Variants in PRELID2 observed in about 807,000 individuals in gnomAD.
PRELID2 encodes the protein PRELI domain-containing protein 2.
PRELID2 carries 25 observed loss-of-function variants against 28.4 expected under a neutral mutation model. The ratio of observed to expected loss-of-function variants is 0.88; its 90% CI spans 0.64 to 1.23. The LOEUF (loss-of-function observed/expected upper bound fraction) is 1.23, where lower values mean the gene tolerates loss of function less well. Among genes scored for constraint, PRELID2 ranks in the 50% most tolerant of loss-of-function variants. PRELID2 has a pLI of 0.00. For missense variants in PRELID2, 201 were observed against 214.4 expected (o/e 0.94, Z 0.39); for synonymous variants, 76 against 71.6 (o/e 1.06, Z -0.31).
At chr5:145,522,980 T>C (rs963508635) in intron 1 of PRELID2, among the ~76,000 whole-genome samples, 5 of 152,168 alleles carry the variant, frequency 3.3e-5, no homozygotes, top group Admixed American at 6.5e-5. Context: ...CCTTTAAAGA[T>C]CACCTTAAAA....
At chr5:145,543,681 G>A (rs968378456) in intron 1 of PRELID2, among the ~76,000 whole-genome samples, 1 of 152,074 alleles carries the variant, frequency 6.6e-6, no homozygotes, top group African/African-American at 2.4e-5. Context: ...TGGGAAATAT[G>A]GAGAGATTAA....
At chr5:145,554,093 T>TTC (rs1752860565) in intron 1 of PRELID2, among the ~76,000 whole-genome samples, 1 of 152,118 alleles carries the variant, frequency 6.6e-6, no homozygotes, top group Non-Finnish European at 1.5e-5. Context: ...AAATGAAAAA[T>TTC]TCTAGAAGCT....
At chr5:145,259,484 G>C in the PRELID2 span, among the ~76,000 whole-genome samples, 54 of 152,330 alleles carry the variant, frequency 3.5e-4, no homozygotes, top group South Asian at 2.5e-3. Flanking sequence ...AGCATTCTCT[G>C]GATGTGGGAT....
chr5:145,488,990 A>G (rs1423919747), intron 1 of PRELID2, among the ~76,000 whole-genome samples: 2 of 152,178 alleles, frequency 1.3e-5, no homozygotes, highest in Non-Finnish European at 1.5e-5. Context: ...AGGGGCGACT[A>G]GTTTGACATG....
the PRELID2 span, among the ~76,000 whole-genome samples, chr5:145,367,366 C>T: frequency 2.0e-5 from 3 of 151,946 alleles, no homozygotes; most frequent in Admixed American, 2.0e-4. Context: ...AATATACTCA[C>T]TGTCTGCACA....
At chr5:145,728,778 TAGTAGG>T (rs1321114959) in intron 1 of PRELID2, 5 of 1,203,922 alleles carry the variant, frequency 4.2e-6, no homozygotes, top group Non-Finnish European at 5.0e-6. Flanking sequence ...TGCACCAATG[TAGTAGG>T]AGTAGAAGTT....
chr5:145,486,502 A>G (rs1414953700), intron 1 of PRELID2, among the ~76,000 whole-genome samples: 3 of 152,190 alleles, frequency 2.0e-5, no homozygotes, highest in African/African-American at 4.8e-5. Flanking sequence ...GCCAATCACA[A>G]TTCTGGCCAC....
At chr5:145,528,726 C>CACAGAGAG (rs1475264275) in intron 1 of PRELID2, among the ~76,000 whole-genome samples, 1 of 53,528 alleles carries the variant, frequency 1.9e-5, no homozygotes, top group Admixed American at 2.5e-4. Flanking sequence ...CACACACACA[C>CACAGAGAG]AGAGAGAGAG....
chr5:145,388,119 T>TATCA, the PRELID2 span, among the ~76,000 whole-genome samples: 2 of 152,280 alleles, frequency 1.3e-5, no homozygotes, highest in South Asian at 2.1e-4. Flanking sequence ...TACAAGAACC[T>TATCA]ATCACTTAGC....
intron 1 of PRELID2, among the ~76,000 whole-genome samples, chr5:145,701,531 G>A (rs1182561410): frequency 7.2e-5 from 11 of 152,096 alleles, no homozygotes; most frequent in Non-Finnish European, 8.8e-5. Flanking sequence ...AATGACTATC[G>A]ACCAACAAAT....
intron 1 of PRELID2, among the ~76,000 whole-genome samples, chr5:145,584,565 A>G (rs1205197414): frequency 2.0e-5 from 3 of 152,088 alleles, no homozygotes; most frequent in Non-Finnish European, 4.4e-5. Context: ...CAGAGTCTAC[A>G]TGGAATTTAA....
intron 1 of PRELID2, among the ~76,000 whole-genome samples, chr5:145,650,074 C>T (rs1317126090): frequency 6.6e-6 from 1 of 152,194 alleles, no homozygotes; most frequent in Non-Finnish European, 1.5e-5. Context: ...TGAGATCATT[C>T]AAAGTTGGAC....
chr5:145,712,348 T>C (rs1328560985), intron 1 of PRELID2, among the ~76,000 whole-genome samples: 2 of 152,212 alleles, frequency 1.3e-5, no homozygotes, highest in African/African-American at 4.8e-5. Context: ...ATATTAGAAA[T>C]ATTACATAAT....
chr5:145,410,796 T>C, the PRELID2 span, among the ~76,000 whole-genome samples: 8 of 152,178 alleles, frequency 5.3e-5, no homozygotes, highest in Non-Finnish European at 1.2e-4. Flanking sequence ...GAATCTCATG[T>C]CCTTACATTA....
chr5:145,311,724 T>C, the PRELID2 span, among the ~76,000 whole-genome samples: 1 of 152,110 alleles, frequency 6.6e-6, no homozygotes, highest in Non-Finnish European at 1.5e-5. Flanking sequence ...GCATGTTGAG[T>C]GATTCCCATT....
the PRELID2 span, among the ~76,000 whole-genome samples, chr5:145,391,895 G>A: frequency 6.6e-6 from 1 of 152,114 alleles, no homozygotes; most frequent in African/African-American, 2.4e-5. Flanking sequence ...CTTTGCTCAA[G>A]TTCCCAAGAA....
chr5:145,675,174 T>C (rs1754789728), intron 1 of PRELID2, among the ~76,000 whole-genome samples: 1 of 151,836 alleles, frequency 6.6e-6, no homozygotes, highest in African/African-American at 2.4e-5. Flanking sequence ...GAATAATGAG[T>C]TAATATTATA....
intron 1 of PRELID2, among the ~76,000 whole-genome samples, chr5:145,700,319 T>C (rs905052162): frequency 6.6e-6 from 1 of 152,140 alleles, no homozygotes; most frequent in Admixed American, 6.5e-5. Flanking sequence ...CAGTGATGTA[T>C]GTGAATCTCA....
the PRELID2 span, among the ~76,000 whole-genome samples, chr5:145,238,302 G>A: frequency 6.6e-6 from 1 of 152,132 alleles, no homozygotes; most frequent in Non-Finnish European, 1.5e-5. Flanking sequence ...GATGACAGTA[G>A]TTTGCTCAAC....
Sources: gnomAD v4.1 joint callset for allele counts (sites outside exome capture counted in the v4.1 genomes callset) on GRCh38, gnomAD v4.1.1 for gene constraint, MANE v1.5 for transcripts, NCBI Gene and HGNC (gene_info 2026-07-23, HGNC 2026-07-21) for gene names.